SFXN3: variants seen among roughly 807,000 people sequenced by gnomAD.
The protein encoded by SFXN3 is sideroflexin 3.
In SFXN3, 31 loss-of-function variants were observed where a neutral mutation model predicts 40.4. The ratio of observed to expected loss-of-function variants is 0.77; its 90% CI spans 0.58 to 1.04. The LOEUF is 1.04. Among genes scored for constraint, SFXN3 ranks in the 50% least tolerant of loss-of-function variants. The pLI, the probability that SFXN3 is intolerant of heterozygous loss-of-function variation, is 0.00. For missense variants in SFXN3, 366 were observed against 408.2 expected, an observed-to-expected ratio of 0.90 and a Z score of 0.89; for synonymous variants, 157 against 160.0, an observed-to-expected ratio of 0.98 and a Z score of 0.14.
intron 9 of SFXN3, chr10:101,037,649 C>T: frequency 1.4e-6 from 2 of 1,435,364 alleles, no homozygotes; most frequent in Non-Finnish European, 1.8e-6. Flanking sequence ...AGGAAGGAAA[C>T]CAACTTCATC....
At chr10:101,032,562 T>G in intron 2 of SFXN3, 80 bp downstream of exon 2, 1 of 1,425,686 alleles carries the variant, frequency 7.0e-7, no homozygotes. Flanking sequence ...CTGTCTGTCC[T>G]GGTGCAGTCA....
At chr10:101,033,525 T>C (rs1938429754) in intron 2 of SFXN3, among the ~76,000 whole-genome samples, 1 of 152,100 alleles carries the variant, frequency 6.6e-6, no homozygotes, top group South Asian at 2.1e-4. Flanking sequence ...CTTGCTTACC[T>C]ACCTAGTTGA....
Position 101,036,124 on chromosome 10 carries a change from A to G in SFXN3, c.431+23A>G. On this transcript the variant is annotated intron_variant, in intron 5 of 11. Transcript: ENST00000393459. The surrounding 1 kb of genome is among the most constrained non-coding windows in gnomAD (Gnocchi z 4.2). Reference sequence around the variant, plus strand: ...GAGGTGAGAGCCAGCCCCCAGCAGCAGCTGCACTGTCCCATCTGACCCTCT... The same window carrying G: ...GAGGTGAGAGCCAGCCCCCAGCAGCGGCTGCACTGTCCCATCTGACCCTCT... 6.3e-7 allele frequency: 1 copy of G among 1,583,746 alleles called. No individual in the cohort carries two copies. Among genetic ancestry groups the G allele is most frequent in the Non-Finnish European group, 8.7e-7 (1 of 1,153,248 alleles).
intron 2 of SFXN3, among the ~76,000 whole-genome samples, chr10:101,034,227 G>T (rs1437078557): frequency 6.6e-6 from 1 of 152,186 alleles, no homozygotes; most frequent in African/African-American, 2.4e-5. Context: ...AGAAGTCCCT[G>T]TGGCTTTCCG....
At chr10:101,035,525 G>A (rs146965455) in exon 4 of SFXN3, 6 of 1,611,114 alleles carry the variant, frequency 3.7e-6, no homozygotes, top group East Asian at 2.2e-5. Flanking sequence ...AGGGATCACC[G>A]AGGACCAGCT....
At position 101,039,076 on chromosome 10, in the gene SFXN3, C is replaced by T. The variant is rs1442413269; in HGVS notation, c.822-99C>T. On this transcript the variant is annotated intron_variant, in intron 10 of 11. Transcript: ENST00000393459. This position sits in a 1 kb window ranked among gnomAD's most constrained non-coding sequence, Gnocchi z 4.6. ...AGGTCCTTTCAGCTTTTATCAATCTCCACCCCTAGGGCCTATCTCCAAGGA... is the reference window on the plus strand; with the variant it reads ...AGGTCCTTTCAGCTTTTATCAATCTTCACCCCTAGGGCCTATCTCCAAGGA... 1 of 1,041,994 alleles carries T rather than the reference C, an allele frequency of 9.6e-7. No individual in the cohort carries two copies. Among genetic ancestry groups the T allele is most frequent in the Admixed American group, 2.0e-5 (1 of 48,898 alleles). The allele number at this position is 1,041,994 out of a possible 1,614,324, so 64.5% of individuals were successfully genotyped here. A position where few individuals can be genotyped will look rare whatever the true frequency, so the allele number is the denominator to read the frequency against.
exon 12 of SFXN3, chr10:101,041,221 A>T (rs1938882684): frequency 6.6e-6 from 1 of 152,142 alleles, no homozygotes; most frequent in Non-Finnish European, 1.5e-5. Context: ...GCCATTACTC[A>T]ATAAACTGCA....
chr10:101,036,894 C>A lies in SFXN3; in HGVS notation c.593+86C>A. Reference sequence around the variant, plus strand: ...CAGACCACCTCAGAATGGGGACATCCCTCTCCCTCCCCAGACATGAGCTGC... The same window carrying A: ...CAGACCACCTCAGAATGGGGACATCACTCTCCCTCCCCAGACATGAGCTGC... On this transcript the variant is annotated intron_variant, in intron 7 of 11. Transcript: ENST00000393459. This position sits in a 1 kb window ranked among gnomAD's most constrained non-coding sequence, Gnocchi z 4.2. The A allele has an allele frequency of 1.3e-6, 2 of 1,542,808 alleles. No individual in the cohort carries two copies. Among genetic ancestry groups the A allele is most frequent in the Non-Finnish European group, 1.8e-6 (2 of 1,137,204 alleles).
At chr10:101,031,876 G>A (rs1938233080) in intron 1 of SFXN3, among the ~76,000 whole-genome samples, 1 of 152,168 alleles carries the variant, frequency 6.6e-6, no homozygotes, top group African/African-American at 2.4e-5. Flanking sequence ...GCACAGGCAC[G>A]ACAGGAACGG....
chr10:101,039,722 C>T lies in SFXN3; in HGVS notation c.*137C>T, dbSNP rs1482832357. 2.6e-6 allele frequency: 2 copies of T among 774,548 alleles called. No individual in the cohort carries two copies. The highest frequency in any genetic ancestry group is 1.7e-5 in the African/African-American group (1 of 57,944). The allele number at this position is 774,548 out of a possible 1,614,324, so 48.0% of individuals were successfully genotyped here. On this transcript the variant is annotated 3_prime_UTR_variant, in exon 12 of 12. Coordinates refer to ENST00000393459, the Ensembl canonical transcript of SFXN3. The surrounding 1 kb of genome is among the most constrained non-coding windows in gnomAD (Gnocchi z 4.6). ...GCAGATGGCAATTGAGGGTAGCAACCTATTAGGGTGGGGGAGGGACCTCCA... is the reference window on the plus strand; with the variant it reads ...GCAGATGGCAATTGAGGGTAGCAACTTATTAGGGTGGGGGAGGGACCTCCA...
At position 101,035,490 on chromosome 10, in the gene SFXN3, T is replaced by G. The variant is rs773632989; in HGVS notation, c.162-7T>G. The stretch of plus-strand genomic sequence containing the variant: ...ATAGCCTGTCTGCTCCTTGCCAACT[T>G]CTGCAGGGCCGGCGTGGTGACCCCA... On this transcript the variant is annotated splice_polypyrimidine_tract_variant and splice_region_variant and intron_variant, in intron 3 of 11. Coordinates refer to ENST00000393459, the Ensembl canonical transcript of SFXN3. 6.3e-6 allele frequency: 10 copies of G among 1,595,750 alleles called. No homozygotes were observed. The Admixed American group carries it at 1.5e-4, about 24-fold the overall frequency.
exon 10 of SFXN3, chr10:101,038,654 G>C: frequency 6.2e-7 from 1 of 1,613,460 alleles, no homozygotes; most frequent in Non-Finnish European, 8.5e-7. Context: ...GCCGCCCCTG[G>C]CTGGGGGCAC....
At chr10:101,033,562 TG>T (rs1401537032) in intron 2 of SFXN3, among the ~76,000 whole-genome samples, 1 of 151,992 alleles carries the variant, frequency 6.6e-6, no homozygotes, top group Admixed American at 6.5e-5. Context: ...TCCACACCTG[TG>T]GGTATTTCTA....
exon 1 of SFXN3, chr10:101,031,244 C>G (rs1234105822): frequency 1.3e-5 from 2 of 152,366 alleles, no homozygotes; most frequent in East Asian, 3.8e-4. Context: ...ATTCCGGCAC[C>G]TCCCTTAGGC....
intron 9 of SFXN3, chr10:101,037,882 C>T: frequency 2.9e-6 from 3 of 1,038,686 alleles, no homozygotes; most frequent in Non-Finnish European, 3.5e-6. Context: ...ATGCACCAGG[C>T]ATGTTTTAGG....
exon 1 of SFXN3, chr10:101,031,294 A>G (rs1484219014): frequency 6.6e-6 from 1 of 152,228 alleles, no homozygotes; most frequent in Admixed American, 6.5e-5. Flanking sequence ...CGGGCAGCGG[A>G]GTTCTTTACC....
intron 9 of SFXN3, 118 bp from the exon 10 acceptor site, chr10:101,038,525 G>A (rs1387194364): frequency 7.6e-6 from 12 of 1,578,294 alleles, no homozygotes; most frequent in South Asian, 6.8e-5. Context: ...GAAAGAAAAC[G>A]GCCACAGGTC....
chr10:101,035,484 C>T lies in SFXN3; in HGVS notation c.162-13C>T. 6.3e-7 allele frequency: 1 copy of T among 1,591,668 alleles called. No homozygotes were observed. Among genetic ancestry groups the T allele is most frequent in the Non-Finnish European group, 8.6e-7 (1 of 1,168,498 alleles). The stretch of plus-strand genomic sequence containing the variant: ...CCTGGCATAGCCTGTCTGCTCCTTG[C>T]CAACTTCTGCAGGGCCGGCGTGGTG... On this transcript the variant is annotated splice_polypyrimidine_tract_variant and intron_variant, in intron 3 of 11. Coordinates refer to ENST00000393459, the Ensembl canonical transcript of SFXN3.
rs1938814522 is a variant in SFXN3 at position 101,039,846 on chromosome 10, T to C, written c.*261T>C. 1 of 491,188 alleles carries C rather than the reference T, an allele frequency of 2.0e-6. No homozygotes were observed. Among genetic ancestry groups the C allele is most frequent in the African/African-American group, 1.9e-5 (1 of 52,332 alleles). 30.4% of individuals were successfully genotyped at this position (491,188 alleles called of 1,614,324 possible). On this transcript the variant is annotated 3_prime_UTR_variant, in exon 12 of 12. Coordinates refer to ENST00000393459, the Ensembl canonical transcript of SFXN3. This position sits in a 1 kb window ranked among gnomAD's most constrained non-coding sequence, Gnocchi z 4.6. Reference sequence around the variant, plus strand: ...TATACATACATGATACACATGTGTATGTGTACATTGGGTCCTGAAAGCTAG... The same window carrying C: ...TATACATACATGATACACATGTGTACGTGTACATTGGGTCCTGAAAGCTAG...
Sources: gnomAD v4.1 joint callset for allele counts (sites outside exome capture counted in the v4.1 genomes callset) on GRCh38, gnomAD v4.1.1 for gene constraint, Gnocchi (gnomAD v3.1) non-coding constraint, MANE v1.5 for transcripts, NCBI Gene and HGNC (gene_info 2026-07-23, HGNC 2026-07-21) for gene names.